Variants in DUSP16 observed in about 807,000 individuals in gnomAD.
DUSP16 encodes dual specificity protein phosphatase 16.
Under a neutral mutation model 58.3 loss-of-function variants are expected in DUSP16, and 21 were observed. The ratio of observed to expected loss-of-function variants is 0.36; its 90% CI spans 0.26 to 0.52. The LOEUF (loss-of-function observed/expected upper bound fraction) is 0.52. Ranked by LOEUF, DUSP16 falls within the 20% of genes least tolerant of loss-of-function variation. The pLI, the probability that DUSP16 is intolerant of heterozygous loss-of-function variation, is 0.94. For synonymous variants in DUSP16, 320 were observed against 323.8 expected (o/e 0.99, Z 0.12); for missense variants, 726 against 819.0 (o/e 0.89, Z 1.39).
intron 1 of DUSP16, among the ~76,000 whole-genome samples, chr12:12,557,078 A>G (rs530970602): frequency 6.6e-6 from 1 of 152,294 alleles, no homozygotes; most frequent in Admixed American, 6.5e-5. Flanking sequence ...CAATGACATT[A>G]ATCTCATTGT....
chr12:12,540,147 A>G (rs945759269), intron 1 of DUSP16, among the ~76,000 whole-genome samples: 2 of 149,222 alleles, frequency 1.3e-5, no homozygotes, highest in Non-Finnish European at 3.0e-5. Context: ...AAAAAAAACT[A>G]AAAAAAAACA....
chr12:12,484,893 T>C (rs1377616482), intron 5 of DUSP16, among the ~76,000 whole-genome samples: 1 of 152,120 alleles, frequency 6.6e-6, no homozygotes, highest in Non-Finnish European at 1.5e-5. Context: ...ATTACAGGCG[T>C]AAGCCACCAT....
chr12:12,540,352 A>T (rs75288129), intron 1 of DUSP16, among the ~76,000 whole-genome samples: 1 of 152,060 alleles, frequency 6.6e-6, no homozygotes, highest in Admixed American at 6.5e-5. Flanking sequence ...AATATAAATT[A>T]AAAAAATTTT....
At position 12,474,070 on chromosome 12, in the gene DUSP16, C is replaced by A. The variant is rs561721154; in HGVS notation, c.*2763G>T. On this transcript the variant is annotated 3_prime_UTR_variant, in exon 7 of 7. Transcript: ENST00000298573. ...GGTGTTCCATGTGAATGACAGAACA[C>A]GGAATAAACCTGATGACACCACCAC... The A allele has an allele frequency of 6.6e-6, 1 of 152,186 alleles. No individual in the cohort carries two copies. Among genetic ancestry groups the A allele is most frequent in the South Asian group, 2.1e-4 (1 of 4,826 alleles). The allele number at this position is 152,186 out of a possible 1,614,324, so 9.4% of individuals were successfully genotyped here. A position where few individuals can be genotyped will look rare whatever the true frequency, so the allele number is the denominator to read the frequency against.
chr12:12,488,143 G>A (rs901677545), intron 4 of DUSP16, among the ~76,000 whole-genome samples: 1 of 152,054 alleles, frequency 6.6e-6, no homozygotes, highest in African/African-American at 2.4e-5. Flanking sequence ...CTCATTTCCT[G>A]CTCCTGTCCC....
chr12:12,476,605 G>T lies in DUSP16; in HGVS notation c.*228C>A. 2.1e-6 allele frequency: 1 copy of T among 474,392 alleles called. No individual in the cohort carries two copies. The highest frequency in any genetic ancestry group is 3.8e-5 in the South Asian group (1 of 26,648). The allele number at this position is 474,392 out of a possible 1,614,324, so 29.4% of individuals were successfully genotyped here. ...AAATGGTTTTCCTCCGTCTAGGGGG[G>T]ATTCTAGCATCTGCCCTTCCATTTT... is the stretch of plus-strand genomic sequence containing the variant. On this transcript the variant is annotated 3_prime_UTR_variant, in exon 7 of 7. Coordinates refer to ENST00000298573, the MANE Select transcript of DUSP16 (RefSeq NM_030640.3).
rs977336557 is a variant in DUSP16, at chr12:12,519,640, A to G, written c.367+222T>C. Reference sequence around the variant, plus strand: ...TATGTGGCACTACCAGTTAATAGCAAGCAAAGAGGCACTTGAGCCAAGTCA... The same window carrying G: ...TATGTGGCACTACCAGTTAATAGCAGGCAAAGAGGCACTTGAGCCAAGTCA... On this transcript the variant is annotated intron_variant, in intron 3 of 6. Transcript: ENST00000298573. Among the ~76,000 whole-genome samples, 7 of 152,350 alleles carry G rather than the reference A, an allele frequency of 4.6e-5. No homozygotes were observed. In the East Asian group the frequency reaches 1.2e-3, roughly 25 times the overall value.
At chr12:12,517,032 G>A (rs59355493) in intron 3 of DUSP16, among the ~76,000 whole-genome samples, 9,902 of 152,206 alleles carry the variant, frequency 0.065, 373 homozygotes, top group East Asian at 0.15. Flanking sequence ...CTTGTTTGAA[G>A]GAAAAGAGCT....
chr12:12,476,003 T>G lies in DUSP16; in HGVS notation c.*830A>C, dbSNP rs1035904124. 1 of 152,216 alleles carries G rather than the reference T, an allele frequency of 6.6e-6. No individual in the cohort carries two copies. Among genetic ancestry groups the G allele is most frequent in the Admixed American group, 6.5e-5 (1 of 15,282 alleles). 9.4% of individuals were successfully genotyped at this position (152,216 alleles called of 1,614,324 possible). A position where few individuals can be genotyped will look rare whatever the true frequency, so the allele number is the denominator to read the frequency against. On this transcript the variant is annotated 3_prime_UTR_variant, in exon 7 of 7. Coordinates refer to ENST00000298573, the MANE Select transcript of DUSP16 (RefSeq NM_030640.3). ...GTTAGCCTCCCAACCTTAGCTTAAATCGTGATGTTGCCAGGTTCCTGGTGG... is the reference window on the plus strand; with the variant it reads ...GTTAGCCTCCCAACCTTAGCTTAAAGCGTGATGTTGCCAGGTTCCTGGTGG...
intron 5 of DUSP16, among the ~76,000 whole-genome samples, chr12:12,481,735 CT>C (rs1943569185): frequency 6.7e-6 from 1 of 149,758 alleles, no homozygotes. Flanking sequence ...CCAAGCAACA[CT>C]CAAACAAAGA....
At chr12:12,527,270 A>G (rs1214783529) in intron 1 of DUSP16, among the ~76,000 whole-genome samples, 2 of 152,226 alleles carry the variant, frequency 1.3e-5, no homozygotes, top group African/African-American at 2.4e-5. Context: ...CAGGCTTTCA[A>G]TAACAGGAAA....
intron 3 of DUSP16, among the ~76,000 whole-genome samples, chr12:12,503,700 T>C (rs140147336): frequency 1.3e-3 from 200 of 152,292 alleles, no homozygotes; most frequent in African/African-American, 4.7e-3. Context: ...GTCTAAAAAG[T>C]GAGAGAAATA....
chr12:12,482,741 T>G (rs1405135721), intron 5 of DUSP16, among the ~76,000 whole-genome samples: 1 of 152,160 alleles, frequency 6.6e-6, no homozygotes, highest in African/African-American at 2.4e-5. Flanking sequence ...TCAGACAGGG[T>G]CTCACTCTGT....
intron 1 of DUSP16, among the ~76,000 whole-genome samples, chr12:12,538,148 G>A (rs770304245): frequency 4.6e-5 from 7 of 152,104 alleles, no homozygotes; most frequent in Non-Finnish European, 1.0e-4. Context: ...ATGCATCCCC[G>A]TGCGCCACCA....
intron 3 of DUSP16, among the ~76,000 whole-genome samples, chr12:12,513,897 A>T (rs1944112064): frequency 6.6e-6 from 1 of 152,234 alleles, no homozygotes; most frequent in African/African-American, 2.4e-5. Flanking sequence ...ATAGACAAGT[A>T]GAATAAACTG....
At chr12:12,547,050 T>C (rs2136260428) in intron 1 of DUSP16, among the ~76,000 whole-genome samples, 1 of 152,354 alleles carries the variant, frequency 6.6e-6, no homozygotes, top group African/African-American at 2.4e-5. Flanking sequence ...AATACTTCTT[T>C]ATACCTGGCA....
intron 1 of DUSP16, among the ~76,000 whole-genome samples, chr12:12,530,890 A>T (rs1190406841): frequency 1.3e-5 from 2 of 152,202 alleles, no homozygotes; most frequent in South Asian, 2.1e-4. Flanking sequence ...TACATTAAAA[A>T]TTTTTTAAAT....
intron 1 of DUSP16, among the ~76,000 whole-genome samples, chr12:12,554,009 C>T (rs1261026650): frequency 6.6e-6 from 1 of 151,938 alleles, no homozygotes; most frequent in East Asian, 1.9e-4. Flanking sequence ...ACCAGCCTGG[C>T]CACCCTGGTG....
At chr12:12,548,165 C>CA (rs1944674643) in intron 1 of DUSP16, among the ~76,000 whole-genome samples, 1 of 151,422 alleles carries the variant, frequency 6.6e-6, no homozygotes, top group Admixed American at 6.6e-5. Flanking sequence ...AACTCAACAA[C>CA]AAAAAACTCA....
Sources: allele counts gnomAD v4.1 joint callset (sites outside exome capture counted in the v4.1 genomes callset), GRCh38; gene constraint gnomAD v4.1.1; transcripts MANE v1.5; gene names NCBI Gene and HGNC (gene_info 2026-07-23, HGNC 2026-07-21).